MAST4: variants seen among roughly 807,000 people sequenced by gnomAD.
The protein encoded by MAST4 is microtubule-associated serine/threonine-protein kinase 4.
Under a neutral mutation model 162.7 loss-of-function variants are expected in MAST4, and 89 were observed. The ratio of observed to expected loss-of-function variants is 0.55; its 90% CI spans 0.46 to 0.65. MAST4 has a LOEUF of 0.65. Ranked by LOEUF, MAST4 falls within the 30% of genes least tolerant of loss-of-function variation. The pLI is 0.00. For missense variants in MAST4, 3,153 were observed against 3,374.0 expected (o/e 0.93, Z 1.62); for synonymous variants, 1,479 against 1,361.1 (o/e 1.09, Z -1.91).
intron 3 of MAST4, among the ~76,000 whole-genome samples, chr5:66,859,043 T>C (rs1759892552): frequency 6.6e-6 from 1 of 152,132 alleles, no homozygotes; most frequent in Admixed American, 6.5e-5. Flanking sequence ...TCAAAAATAA[T>C]ATGTATATTA....
chr5:66,991,344 A>G (rs186571171), intron 4 of MAST4, among the ~76,000 whole-genome samples: 1 of 152,296 alleles, frequency 6.6e-6, no homozygotes, highest in Admixed American at 6.5e-5. Context: ...CTTACATGTT[A>G]TATGATGGGC....
At chr5:67,001,187 G>A (rs1413029757) in intron 4 of MAST4, among the ~76,000 whole-genome samples, 1 of 152,126 alleles carries the variant, frequency 6.6e-6, no homozygotes, top group Non-Finnish European at 1.5e-5. Context: ...TATTTTGTAG[G>A]AAAATGTCAG....
intron 4 of MAST4, among the ~76,000 whole-genome samples, chr5:67,024,120 T>C (rs1259049641): frequency 6.8e-6 from 1 of 147,592 alleles, no homozygotes; most frequent in African/African-American, 2.5e-5. Flanking sequence ...TGAATTTGAC[T>C]ACTCTAGGTA....
chr5:66,999,046 G>T (rs535086875), intron 4 of MAST4, among the ~76,000 whole-genome samples: 22 of 152,260 alleles, frequency 1.4e-4, no homozygotes, highest in Admixed American at 5.2e-4. Context: ...TACTGGCTTG[G>T]GTGGAGGCCA....
chr5:66,803,067 A>T (rs1237211578), intron 3 of MAST4, among the ~76,000 whole-genome samples: 1 of 152,182 alleles, frequency 6.6e-6, no homozygotes, highest in Non-Finnish European at 1.5e-5. Flanking sequence ...AATTTTGGAC[A>T]TCTGTCCCTT....
chr5:66,597,030 C>A lies in MAST4; in HGVS notation c.363+12C>A. 1 of 1,416,132 alleles carries A rather than the reference C, an allele frequency of 7.1e-7. No individual in the cohort carries two copies. Among genetic ancestry groups the A allele is most frequent in the Non-Finnish European group, 9.1e-7 (1 of 1,093,334 alleles). 87.7% of individuals were successfully genotyped at this position (1,416,132 alleles called of 1,614,324 possible). A position where few individuals can be genotyped will look rare whatever the true frequency, so the allele number is the denominator to read the frequency against. On this transcript the variant is annotated intron_variant, in intron 1 of 28. Transcript: ENST00000403625. ...AGCAGGACGAGGAGGTGGGCCTTTCCCCAGCTTGCCCACTCTGGGTTCCGG... is the reference window on the plus strand; with the variant it reads ...AGCAGGACGAGGAGGTGGGCCTTTCACCAGCTTGCCCACTCTGGGTTCCGG...
intron 1 of MAST4, among the ~76,000 whole-genome samples, chr5:66,744,324 C>T (rs879503115): frequency 2.6e-5 from 4 of 152,112 alleles, no homozygotes; most frequent in Admixed American, 2.0e-4. Flanking sequence ...TTTATTTTGC[C>T]TCTTGGGTCA....
At position 66,661,402 on chromosome 5, in the gene MAST4, G is replaced by A. The variant is rs141489178; in HGVS notation, c.363+64384G>A. Among the ~76,000 whole-genome samples the A allele has an allele frequency of 2.1e-3, 318 of 152,316 alleles. 1 individual carries two copies. The highest frequency in any genetic ancestry group is 7.2e-3 in the African/African-American group (301 of 41,568). On this transcript the variant is annotated intron_variant, in intron 1 of 28. Transcript: ENST00000403625. ...CCGCTGTCTGCTTGGCTAAAAGCCC[G>A]TCTGGCCACTGTTTAAATTCCTGTC...
chr5:67,011,585 G>C (rs935925070), intron 4 of MAST4, among the ~76,000 whole-genome samples: 1 of 152,194 alleles, frequency 6.6e-6, no homozygotes, highest in Non-Finnish European at 1.5e-5. Context: ...AGCCTGGTCA[G>C]GGATACCCCT....
chr5:66,977,803 T>C (rs1319062715), intron 4 of MAST4, among the ~76,000 whole-genome samples: 1 of 152,250 alleles, frequency 6.6e-6, no homozygotes, highest in Non-Finnish European at 1.5e-5. Context: ...GGCTTTGGCA[T>C]AAAATGTAGT....
chr5:66,942,371 C>T (rs563565544), intron 4 of MAST4, among the ~76,000 whole-genome samples: 27 of 152,206 alleles, frequency 1.8e-4, no homozygotes, highest in African/African-American at 6.5e-4. Context: ...TCTGATAGTA[C>T]CCATGGTAAT....
chr5:66,997,851 A>G (rs1458049167), intron 4 of MAST4, among the ~76,000 whole-genome samples: 1 of 152,252 alleles, frequency 6.6e-6, no homozygotes, highest in Non-Finnish European at 1.5e-5. Context: ...TAGAAGTGAT[A>G]TAACTTAATA....
chr5:66,609,445 A>G (rs1381834679), intron 1 of MAST4, among the ~76,000 whole-genome samples: 2 of 144,542 alleles, frequency 1.4e-5, no homozygotes, highest in Non-Finnish European at 3.0e-5. Flanking sequence ...ACTGAAGTGC[A>G]GTGGGACCAT....
chr5:66,932,745 A>G (rs1742317177), intron 4 of MAST4, among the ~76,000 whole-genome samples: 1 of 152,194 alleles, frequency 6.6e-6, no homozygotes, highest in Non-Finnish European at 1.5e-5. Flanking sequence ...ACATCTACTT[A>G]AGCTATGTAA....
At chr5:67,025,838 G>A (rs1368769053) in intron 4 of MAST4, among the ~76,000 whole-genome samples, 2 of 152,182 alleles carry the variant, frequency 1.3e-5, no homozygotes, top group Non-Finnish European at 2.9e-5. Context: ...CCCAAGGCCC[G>A]GACATGTGGA....
chr5:67,112,067 T>C (rs1766308846), intron 11 of MAST4, among the ~76,000 whole-genome samples: 1 of 151,864 alleles, frequency 6.6e-6, no homozygotes, highest in Non-Finnish European at 1.5e-5. Flanking sequence ...TTTCTTTCTA[T>C]ATGGCCTTTA....
intron 1 of MAST4, among the ~76,000 whole-genome samples, chr5:66,648,079 T>TGAGAGA (rs1309684524): frequency 2.1e-4 from 22 of 103,688 alleles, no homozygotes; most frequent in African/African-American, 9.3e-4. Context: ...TGTGTGTGTG[T>TGAGAGA]GTGTGAGAGA....
intron 7 of MAST4, among the ~76,000 whole-genome samples, chr5:67,100,024 C>T (rs1252580629): frequency 1.3e-5 from 2 of 152,122 alleles, no homozygotes; most frequent in Non-Finnish European, 2.9e-5. Context: ...CCATTTATTT[C>T]ATGTTATTTA....
At chr5:67,124,802 G>A (rs1421397349) in intron 14 of MAST4, among the ~76,000 whole-genome samples, 1 of 152,180 alleles carries the variant, frequency 6.6e-6, no homozygotes, top group African/African-American at 2.4e-5. Context: ...TTTATGAACT[G>A]AAAATCTGAG....
Sources: allele counts gnomAD v4.1 joint callset (sites outside exome capture counted in the v4.1 genomes callset), GRCh38; gene constraint gnomAD v4.1.1; transcripts MANE v1.5; gene names NCBI Gene and HGNC (gene_info 2026-07-23, HGNC 2026-07-21).